Variants in MOB3B observed in about 807,000 individuals in gnomAD.
MOB3B encodes MOB kinase activator-like 2B.
Under a neutral mutation model 18.7 loss-of-function variants are expected in MOB3B, and 7 were observed. The ratio of observed to expected loss-of-function variants is 0.37; its 90% CI spans 0.21 to 0.70. MOB3B has a LOEUF of 0.70. Ranked by LOEUF, MOB3B falls within the 30% of genes least tolerant of loss-of-function variation. The pLI, the probability that MOB3B is intolerant of heterozygous loss-of-function variation, is 0.52. For missense variants in MOB3B, 253 were observed against 281.3 expected (o/e 0.90, Z 0.72); for synonymous variants, 111 against 99.9 (o/e 1.11, Z -0.66).
chr9:27,464,220 G>A (rs752566174), intron 1 of MOB3B, among the ~76,000 whole-genome samples: 2 of 152,116 alleles, frequency 1.3e-5, no homozygotes, highest in Non-Finnish European at 2.9e-5. Flanking sequence ...GAGGTGGTAG[G>A]GGTGGGGGGC....
chr9:27,372,883 A>G (rs967629073), intron 2 of MOB3B, among the ~76,000 whole-genome samples: 4 of 152,272 alleles, frequency 2.6e-5, no homozygotes, highest in African/African-American at 9.6e-5. Flanking sequence ...TTCATGTGTT[A>G]GTTCCTCAGC....
At chr9:27,525,771 T>C (rs1820427065) in intron 1 of MOB3B, among the ~76,000 whole-genome samples, 1 of 152,230 alleles carries the variant, frequency 6.6e-6, no homozygotes, top group Admixed American at 6.5e-5. Flanking sequence ...AGTCATAATA[T>C]GGAACAATTT....
chr9:27,471,300 G>A (rs1194591855), intron 1 of MOB3B, among the ~76,000 whole-genome samples: 1 of 152,210 alleles, frequency 6.6e-6, no homozygotes, highest in African/African-American at 2.4e-5. Flanking sequence ...CTGAAGAGTT[G>A]TATTTCCAGC....
chr9:27,464,183 G>A (rs1445074399), intron 1 of MOB3B, among the ~76,000 whole-genome samples: 1 of 152,098 alleles, frequency 6.6e-6, no homozygotes, highest in East Asian at 1.9e-4. Context: ...CAATGCAAAT[G>A]TGTGTTTACG....
chr9:27,399,907 G>A (rs57598379), intron 2 of MOB3B, among the ~76,000 whole-genome samples: 48,975 of 151,918 alleles, frequency 0.32, 8,313 homozygotes, highest in Non-Finnish European at 0.37. Context: ...CTTCAAACCC[G>A]GCTCGAAGTT....
chr9:27,474,737 T>C (rs909234309), intron 1 of MOB3B, among the ~76,000 whole-genome samples: 1 of 152,192 alleles, frequency 6.6e-6, no homozygotes, highest in African/African-American at 2.4e-5. Flanking sequence ...CAGTAGCAAA[T>C]AGTCTCATCA....
chr9:27,501,478 T>C (rs1269708822), intron 1 of MOB3B, among the ~76,000 whole-genome samples: 1 of 151,750 alleles, frequency 6.6e-6, no homozygotes. Context: ...GCAACCATCA[T>C]TCTGAGCAAA....
At chr9:27,393,372 A>AGTGTGT (rs35949017) in intron 2 of MOB3B, among the ~76,000 whole-genome samples, 46 of 148,758 alleles carry the variant, frequency 3.1e-4, no homozygotes, top group African/African-American at 1.0e-3. Flanking sequence ...GGTGCAGAGA[A>AGTGTGT]GTGTGTGTGT....
At chr9:27,359,372 T>A in intron 2 of MOB3B, 136 bp from the exon 3 acceptor site, 1 of 344,398 alleles carries the variant, frequency 2.9e-6, no homozygotes, top group Non-Finnish European at 5.4e-6. Context: ...AGGGAGTGTG[T>A]GTGTGTGGGG....
chr9:27,352,552 G>A (rs1281409511), intron 3 of MOB3B, among the ~76,000 whole-genome samples: 1 of 152,174 alleles, frequency 6.6e-6, no homozygotes, highest in Non-Finnish European at 1.5e-5. Flanking sequence ...TGATGTGGGA[G>A]GATGAGGAGC....
intron 1 of MOB3B, among the ~76,000 whole-genome samples, chr9:27,520,541 G>A (rs1456160016): frequency 6.6e-6 from 1 of 152,186 alleles, no homozygotes; most frequent in Admixed American, 6.5e-5. Flanking sequence ...TTACAGAACA[G>A]AGGTATGACC....
chr9:27,479,300 T>C (rs1177118969), intron 1 of MOB3B, among the ~76,000 whole-genome samples: 1 of 152,140 alleles, frequency 6.6e-6, no homozygotes, highest in Non-Finnish European at 1.5e-5. Context: ...AACCCACTCC[T>C]ACTACAATGA....
At chr9:27,510,859 A>G (rs58930160) in intron 1 of MOB3B, among the ~76,000 whole-genome samples, 4,801 of 152,282 alleles carry the variant, frequency 0.032, 102 homozygotes, top group Middle Eastern at 0.065. Context: ...TACTCCCTGA[A>G]GTCTACTGCA....
intron 1 of MOB3B, among the ~76,000 whole-genome samples, chr9:27,494,839 C>T (rs1198518313): frequency 6.6e-6 from 1 of 152,096 alleles, no homozygotes; most frequent in East Asian, 1.9e-4. Context: ...AACAGTGCCA[C>T]CCCTCCCCCT....
At chr9:27,450,262 T>A (rs1043190704) in intron 2 of MOB3B, among the ~76,000 whole-genome samples, 1 of 152,158 alleles carries the variant, frequency 6.6e-6, no homozygotes, top group Non-Finnish European at 1.5e-5. Context: ...ATTCTGGACA[T>A]TATGTAAACT....
chr9:27,508,271 C>T (rs1026070174), intron 1 of MOB3B, among the ~76,000 whole-genome samples: 2 of 152,208 alleles, frequency 1.3e-5, no homozygotes, highest in Admixed American at 1.3e-4. Context: ...AATACTGATA[C>T]TCCACAAATA....
intron 1 of MOB3B, among the ~76,000 whole-genome samples, chr9:27,477,045 C>T (rs1366567139): frequency 6.6e-6 from 1 of 152,194 alleles, no homozygotes; most frequent in Non-Finnish European, 1.5e-5. Context: ...AGAGGAGTCT[C>T]CCGAGCTCCC....
intron 1 of MOB3B, among the ~76,000 whole-genome samples, chr9:27,522,268 A>AAAAAAAT (rs1563889769): frequency 7.6e-6 from 1 of 130,818 alleles, no homozygotes; most frequent in Non-Finnish European, 1.6e-5. Flanking sequence ...AAAAAAAAAG[A>AAAAAAAT]AAAGAAAGAA....
At chr9:27,524,751 A>C in intron 1 of MOB3B, 2 of 1,613,936 alleles carry the variant, frequency 1.2e-6, no homozygotes, top group Non-Finnish European at 1.7e-6. Flanking sequence ...AAATGAAGAC[A>C]TGAAAGAAAT....
Sources: allele counts gnomAD v4.1 joint callset (sites outside exome capture counted in the v4.1 genomes callset), GRCh38; gene constraint gnomAD v4.1.1; transcripts MANE v1.5; gene names NCBI Gene and HGNC (gene_info 2026-07-23, HGNC 2026-07-21).